UNC13B: variants seen among roughly 807,000 people sequenced by gnomAD.
The protein encoded by UNC13B is protein unc-13 homolog B.
A neutral mutation model predicts 211.0 loss-of-function variants in UNC13B; 144 were observed. That is an observed-to-expected ratio of 0.68 (90% confidence interval 0.60 to 0.78). The LOEUF (loss-of-function observed/expected upper bound fraction) is 0.78, where lower values mean the gene tolerates loss of function less well. Among genes scored for constraint, UNC13B ranks in the 30% least tolerant of loss-of-function variants. The pLI is 0.00. For missense variants in UNC13B, 1,777 were observed against 2,002.0 expected (o/e 0.89, Z 2.14); for synonymous variants, 709 against 725.8 (o/e 0.98, Z 0.37).
Position 35,377,571 on chromosome 9 carries a change from G to A in UNC13B, c.9939G>A (p.Glu3313=), listed in dbSNP as rs1289821689. The change falls in exon 16 of 40, where the codon GAG becomes GAA. Residue 3313 remains glutamate, a synonymous_variant. Coordinates refer to ENST00000635942, the MANE Select transcript of UNC13B (RefSeq NM_001371189.2). ...RMKIRERNKP[E]IFEVIRDVFT... ...AGATCCGAGAGCGAAATAAGCCAGAGATCTTTGAAGTTATCCGGGACGTCT... is the reference window on the plus strand; with the variant it reads ...AGATCCGAGAGCGAAATAAGCCAGAAATCTTTGAAGTTATCCGGGACGTCT... The A allele has an allele frequency of 6.2e-7, 1 of 1,614,262 alleles. No individual in the cohort carries two copies. Among genetic ancestry groups the A allele is most frequent in the Non-Finnish European group, 8.5e-7 (1 of 1,180,050 alleles).
chr9:35,231,136 T>C lies in UNC13B; in HGVS notation c.69T>C (p.Tyr23=), dbSNP rs780512003. ...TTTTCAAAGATAAATTTAACACATA[T>C]GTGACCCTGAAAGTACAGAATGTGA... ...FQGSPDKFNT[Y]VTLKVQNVKS... The change falls in exon 3 of 40, where the codon TAT becomes TAC. Residue 23 remains tyrosine (Y), a synonymous_variant. Coordinates refer to ENST00000635942, the MANE Select transcript of UNC13B (RefSeq NM_001371189.2). 3.7e-6 allele frequency: 6 copies of C among 1,612,062 alleles called. No individual in the cohort carries two copies. The highest frequency in any genetic ancestry group is 5.1e-6 in the Non-Finnish European group (6 of 1,178,462).
chr9:35,276,466 A>G (rs1427181992), intron 7 of UNC13B, among the ~76,000 whole-genome samples: 1 of 152,150 alleles, frequency 6.6e-6, no homozygotes, highest in Non-Finnish European at 1.5e-5. Context: ...TCACACATTT[A>G]TTCCTGGGTC....
chr9:35,359,690 C>G (rs533398650), intron 11 of UNC13B, among the ~76,000 whole-genome samples: 1 of 152,186 alleles, frequency 6.6e-6, no homozygotes, highest in African/African-American at 2.4e-5. Flanking sequence ...TGTATTCAGT[C>G]CGTTAGTAAA....
At chr9:35,375,060 G>T in intron 13 of UNC13B, 67 bp from the exon 14 acceptor site, 2 of 1,561,112 alleles carry the variant, frequency 1.3e-6, no homozygotes, top group South Asian at 1.1e-5. Context: ...GGTCACTGAA[G>T]CTCCCTCCCC....
rs1398265769 is a variant in UNC13B at position 35,307,873 on chromosome 9, G to C, written c.8469G>C (p.Gly2823=). 7.5e-6 allele frequency: 3 copies of C among 398,990 alleles called. No individual in the cohort carries two copies. Among genetic ancestry groups the C allele is most frequent in the Non-Finnish European group, 1.3e-5 (3 of 226,090 alleles). 24.7% of individuals were successfully genotyped at this position (398,990 alleles called of 1,614,324 possible). A position where few individuals can be genotyped will look rare whatever the true frequency, so the allele number is the denominator to read the frequency against. The part of the protein sequence containing the change: ...LSTLFEGSSE[G]KGSVLASDSK... ...CTCTATTTGAGGGAAGTAGTGAGGG[G>C]AAAGGGAGTGTATTAGCAAGTGATT... is the stretch of plus-strand genomic sequence containing the variant. Residue 2823 remains glycine (G), a synonymous_variant, in exon 9 of 40, where the codon GGG becomes GGC. Transcript: ENST00000635942.
intron 1 of UNC13B, among the ~76,000 whole-genome samples, chr9:35,194,354 A>G (rs1193096122): frequency 6.6e-6 from 1 of 152,202 alleles, no homozygotes; most frequent in Non-Finnish European, 1.5e-5. Context: ...CCTGTTGCCA[A>G]CACCCCATCA....
intron 15 of UNC13B, 74 bp from the exon 16 acceptor site, chr9:35,377,394 C>T (rs1228949207): frequency 6.7e-7 from 1 of 1,485,624 alleles, no homozygotes; most frequent in South Asian, 1.2e-5. Context: ...TGCTCTGCAG[C>T]CTCTCCCAGG....
intron 11 of UNC13B, chr9:35,353,797 A>C: frequency 8.1e-7 from 1 of 1,231,978 alleles, no homozygotes; most frequent in Non-Finnish European, 1.0e-6. Flanking sequence ...TCTCAGTAGA[A>C]GACATACACT....
At position 35,356,813 on chromosome 9, in the gene UNC13B, G is replaced by A; in HGVS notation, c.9415-10134G>A. Among the ~76,000 whole-genome samples, 2 of 152,038 alleles carry A rather than the reference G, an allele frequency of 1.3e-5. 1 individual carries two copies. The highest frequency in any genetic ancestry group is 2.9e-5 in the Non-Finnish European group (2 of 68,000). On this transcript the variant is annotated intron_variant, in intron 11 of 39. Transcript: ENST00000635942. ...TCTGGCAACCATTAATTTACTTCCT[G>A]TTTCTATGAATTTGCCTATTATGTA...
At chr9:35,256,934 T>G (rs1391632698) in intron 6 of UNC13B, among the ~76,000 whole-genome samples, 1 of 152,170 alleles carries the variant, frequency 6.6e-6, no homozygotes, top group African/African-American at 2.4e-5. Context: ...TTAATTATAC[T>G]CTAGTTGGAC....
rs1053241941 is a variant in UNC13B at position 35,251,676 on chromosome 9, A to C, written c.469-7317A>C. 2.0e-5 allele frequency among the ~76,000 whole-genome samples: 3 copies of C among 152,186 alleles called. No individual in the cohort carries two copies. The South Asian group carries it at 6.2e-4, about 32-fold the overall frequency. On this transcript the variant is annotated intron_variant, in intron 6 of 39. Coordinates refer to ENST00000635942, the MANE Select transcript of UNC13B (RefSeq NM_001371189.2). ...AACAGATAATACTTTTTTTTAAAAA[A>C]AAACCACAATGCCATTATCACACTG...
At chr9:35,182,060 G>C (rs1821966329) in intron 1 of UNC13B, among the ~76,000 whole-genome samples, 1 of 152,142 alleles carries the variant, frequency 6.6e-6, no homozygotes, top group African/African-American at 2.4e-5. Context: ...GCTGTGGAGT[G>C]ATTATAGGAT....
intron 7 of UNC13B, among the ~76,000 whole-genome samples, chr9:35,260,038 C>CAAAAAAAA (rs61273217): frequency 4.6e-5 from 3 of 64,798 alleles, no homozygotes; most frequent in South Asian, 9.2e-4. Flanking sequence ...CTCATTTCTA[C>CAAAAAAAA]AAAAAAAAAA....
In UNC13B at chr9:35,207,089, G is replaced by A. The variant is rs62543167; in HGVS notation, c.23-20926G>A. ...GCTGTATCATTGTGGATTCCCACCA[G>A]CAGTATATGATGGTTCCACCTTTTC... On this transcript the variant is annotated intron_variant, in intron 1 of 39. Coordinates refer to ENST00000635942, the MANE Select transcript of UNC13B (RefSeq NM_001371189.2). 5.5e-3 allele frequency among the ~76,000 whole-genome samples: 836 copies of A among 152,238 alleles called. 4 individuals are homozygous for A. The highest frequency in any genetic ancestry group is 7.8e-3 in the Non-Finnish European group (533 of 67,998).
chr9:35,235,782 C>T (rs1473991278), intron 3 of UNC13B, among the ~76,000 whole-genome samples: 1 of 152,084 alleles, frequency 6.6e-6, no homozygotes, highest in Non-Finnish European at 1.5e-5. Context: ...TTCCTGTATA[C>T]GATGTGTAGT....
chr9:35,326,277 T>A, intron 11 of UNC13B, among the ~76,000 whole-genome samples: 1 of 152,188 alleles, frequency 6.6e-6, no homozygotes, highest in East Asian at 1.9e-4. Context: ...TCTTTGGAGT[T>A]TAGTAGTCTC....
intron 11 of UNC13B, among the ~76,000 whole-genome samples, chr9:35,344,212 T>A (rs930613964): frequency 1.3e-5 from 2 of 152,194 alleles, no homozygotes; most frequent in South Asian, 4.1e-4. Flanking sequence ...ACCAGCTAAT[T>A]GATGGTCTGG....
intron 31 of UNC13B, 74 bp downstream of exon 31, chr9:35,398,362 C>G: frequency 6.6e-7 from 1 of 1,520,834 alleles, no homozygotes; most frequent in East Asian, 2.3e-5. Flanking sequence ...ACTCCACCCT[C>G]TCTTAACTAG....
intron 1 of UNC13B, among the ~76,000 whole-genome samples, chr9:35,226,775 G>C (rs1008802225): frequency 3.3e-5 from 5 of 152,196 alleles, no homozygotes; most frequent in Admixed American, 6.5e-5. Flanking sequence ...TACCCACCCA[G>C]GTTGAGGGTG....
Sources: allele counts gnomAD v4.1 joint callset (sites outside exome capture counted in the v4.1 genomes callset), GRCh38; gene constraint gnomAD v4.1.1; transcripts MANE v1.5; gene names NCBI Gene and HGNC (gene_info 2026-07-23, HGNC 2026-07-21).